The following NCAPG2 variants were observed in gnomAD, a reference collection of about 807,000 sequenced individuals.
NCAPG2 encodes the protein non-SMC condensin II complex subunit G2.
A neutral mutation model predicts 141.1 loss-of-function variants in NCAPG2; 53 were observed. The ratio of observed to expected loss-of-function variants is 0.38; its 90% CI spans 0.30 to 0.47. The LOEUF is 0.47. NCAPG2 is among the 20% of genes least tolerant of loss of function. The pLI, the probability that NCAPG2 is intolerant of heterozygous loss-of-function variation, is 0.99. For synonymous variants in NCAPG2, 499 were observed against 490.7 expected, an observed-to-expected ratio of 1.02 and a Z score of -0.22; for missense variants, 1,087 against 1,389.0, an observed-to-expected ratio of 0.78 and a Z score of 3.46.
At chr7:158,682,024 TG>T (rs1288028826) in intron 9 of NCAPG2, among the ~76,000 whole-genome samples, 21 of 152,310 alleles carry the variant, frequency 1.4e-4, no homozygotes. Flanking sequence ...AACAATTACT[TG>T]GAGTTGAGTA....
intron 27 of NCAPG2, among the ~76,000 whole-genome samples, chr7:158,643,443 C>G (rs1222055644): frequency 6.6e-6 from 1 of 152,184 alleles, no homozygotes; most frequent in Non-Finnish European, 1.5e-5. Flanking sequence ...TCTCAAACTC[C>G]TGGATTACAG....
At chr7:158,667,864 C>A (rs1436874139) in intron 13 of NCAPG2, among the ~76,000 whole-genome samples, 1 of 13,050 alleles carries the variant, frequency 7.7e-5, no homozygotes, top group African/African-American at 4.5e-4. Flanking sequence ...TGGGTCCCTC[C>A]GCCCTCCTTA....
At chr7:158,646,897 T>C (rs1019821492) in intron 24 of NCAPG2, among the ~76,000 whole-genome samples, 6 of 151,988 alleles carry the variant, frequency 3.9e-5, no homozygotes, top group African/African-American at 1.2e-4. Flanking sequence ...GGCATGGTGG[T>C]GCATACCTGT....
At chr7:158,667,834 C>T (rs1444997132) in intron 13 of NCAPG2, among the ~76,000 whole-genome samples, 1 of 37,820 alleles carries the variant, frequency 2.6e-5, no homozygotes, top group South Asian at 1.2e-3. Context: ...TGGGTCCCTC[C>T]GCCCTCCCTT....
In NCAPG2 at chr7:158,631,397, A is replaced by G; in HGVS notation, c.*269T>C. The G allele has an allele frequency of 2.3e-6, 1 of 434,454 alleles. No individual in the cohort carries two copies. The highest frequency in any genetic ancestry group is 4.0e-6 in the Non-Finnish European group (1 of 250,072). 26.9% of individuals were successfully genotyped at this position (434,454 alleles called of 1,614,324 possible). A position where few individuals can be genotyped will look rare whatever the true frequency, so the allele number is the denominator to read the frequency against. On this transcript the variant is annotated 3_prime_UTR_variant, in exon 28 of 28. Coordinates refer to ENST00000356309, the MANE Select transcript of NCAPG2 (RefSeq NM_017760.7). ...TTAAAAACAACCAGGTTTGCTAGAA[A>G]AGTGTTTTTTCTTGGAATCATGGAT...
intron 4 of NCAPG2, among the ~76,000 whole-genome samples, chr7:158,691,892 C>T (rs1835138000): frequency 6.6e-6 from 1 of 152,174 alleles, no homozygotes; most frequent in Non-Finnish European, 1.5e-5. Context: ...GTATTTTCTT[C>T]TCAACAAGTT....
Position 158,644,362 on chromosome 7 carries a change from C to G in NCAPG2, c.3307G>C (p.Glu1103Gln). The change falls in exon 27 of 28, where the codon GAG becomes CAG. Residue 1103 changes from glutamate (E) to glutamine (Q), a missense_variant. Transcript: ENST00000356309. Reference sequence around the variant, plus strand: ...TTTCTGTGAACAGTGGCTGCAACCTCCCTCACTTTTGAGCTTTTATGTTTA... The same window carrying G: ...TTTCTGTGAACAGTGGCTGCAACCTGCCTCACTTTTGAGCTTTTATGTTTA... ...AGKHKSSKVR[E>Q]VAATVHRKLK... 1.2e-6 allele frequency: 2 copies of G among 1,613,950 alleles called. No homozygotes were observed. The highest frequency in any genetic ancestry group is 1.7e-6 in the Non-Finnish European group (2 of 1,179,854).
intron 27 of NCAPG2, among the ~76,000 whole-genome samples, chr7:158,643,699 A>G (rs1295831949): frequency 6.6e-6 from 1 of 152,278 alleles, no homozygotes; most frequent in Non-Finnish European, 1.5e-5. Context: ...TATTTAGCTC[A>G]TAAAATAGCA....
chr7:158,641,530 TG>T, intron 27 of NCAPG2: 1 of 662,564 alleles, frequency 1.5e-6, no homozygotes, highest in Non-Finnish European at 2.7e-6. Context: ...GAGCCCAGCC[TG>T]GGCAACACAG....
At chr7:158,655,056 G>C in intron 21 of NCAPG2, 62 bp downstream of exon 21, 9 of 1,507,408 alleles carry the variant, frequency 6.0e-6, no homozygotes, top group Non-Finnish European at 7.1e-6. Flanking sequence ...AGTAGAAAAT[G>C]AAATCCTGAA....
chr7:158,635,701 C>T (rs763272522), intron 27 of NCAPG2, among the ~76,000 whole-genome samples: 29 of 116,970 alleles, frequency 2.5e-4, no homozygotes, highest in Admixed American at 1.2e-3. Flanking sequence ...AATGAGATGC[C>T]GATTTTTATT....
rs1299634738 is a variant in NCAPG2 at position 158,692,782 on chromosome 7, CA to C, written c.382+59del. Reference sequence around the variant, plus strand: ...ATGAATGAATAAATAAAAACAGAAACAAAAACAAGTATTTCAACACCCACTT... The same window carrying C: ...ATGAATGAATAAATAAAAACAGAAACAAAACAAGTATTTCAACACCCACTT... On this transcript the variant is annotated intron_variant, in intron 4 of 27. Transcript: ENST00000356309. 30 of 1,022,736 alleles carry C rather than the reference CA, an allele frequency of 2.9e-5. No homozygotes were observed. In the African/African-American group the frequency reaches 4.3e-4, roughly 15 times the overall value. The allele number at this position is 1,022,736 out of a possible 1,614,324, so 63.4% of individuals were successfully genotyped here.
In NCAPG2 at chr7:158,680,095, T is replaced by A. The variant is rs750511814; in HGVS notation, c.1021-10A>T. On this transcript the variant is annotated splice_polypyrimidine_tract_variant and intron_variant, in intron 10 of 27. Transcript: ENST00000356309. ...CTTCAGAGTTTCTGGCCTATAATAATAAAAGAAGAGTATCTCAGAATCCCA... is the reference window on the plus strand; with the variant it reads ...CTTCAGAGTTTCTGGCCTATAATAAAAAAAGAAGAGTATCTCAGAATCCCA... The A allele has an allele frequency of 3.7e-6, 6 of 1,612,304 alleles. No homozygotes were observed. The East Asian group carries it at 1.1e-4, about 30-fold the overall frequency.
chr7:158,635,966 G>A (rs1310214733), intron 27 of NCAPG2, among the ~76,000 whole-genome samples: 1 of 152,098 alleles, frequency 6.6e-6, no homozygotes, highest in African/African-American at 2.4e-5. Flanking sequence ...TCATCAATTT[G>A]TCAGATTGAT....
chr7:158,662,575 T>C (rs995423307), intron 15 of NCAPG2, among the ~76,000 whole-genome samples: 7 of 152,200 alleles, frequency 4.6e-5, no homozygotes, highest in African/African-American at 1.7e-4. Flanking sequence ...TGACTCTACA[T>C]CCTTTAAAGA....
At chr7:158,704,002 C>T (rs1365038360) in intron 1 of NCAPG2, among the ~76,000 whole-genome samples, 1 of 151,198 alleles carries the variant, frequency 6.6e-6, no homozygotes, top group African/African-American at 2.4e-5. Flanking sequence ...CAGAGGGGGT[C>T]GCTCTCTGAG....
chr7:158,674,040 A>G (rs1441350718), intron 12 of NCAPG2, among the ~76,000 whole-genome samples: 1 of 152,240 alleles, frequency 6.6e-6, no homozygotes, highest in Non-Finnish European at 1.5e-5. Context: ...TAGACTATTT[A>G]GGTGACCACT....
At chr7:158,665,642 AGGTTCCCATCTCCT>A (rs1563534507) in intron 13 of NCAPG2, among the ~76,000 whole-genome samples, 1 of 152,098 alleles carries the variant, frequency 6.6e-6, no homozygotes, top group African/African-American at 2.4e-5. Context: ...ACTCAACCTG[AGGTTCCCATCTCCT>A]GGTTCCCACC....
At chr7:158,639,977 A>C (rs777727540) in intron 27 of NCAPG2, 4 of 392,500 alleles carry the variant, frequency 1.0e-5, no homozygotes, top group Non-Finnish European at 1.4e-5. Context: ...AGAGAAAGGA[A>C]CAGAAGAAAT....
Sources: allele counts gnomAD v4.1 joint callset (sites outside exome capture counted in the v4.1 genomes callset), GRCh38; gene constraint gnomAD v4.1.1; transcripts MANE v1.5; gene names NCBI Gene and HGNC (gene_info 2026-07-23, HGNC 2026-07-21).